Variants in PCDHA3 observed in about 807,000 individuals in gnomAD.
The protein encoded by PCDHA3 is protocadherin alpha-3.
Under a neutral mutation model 62.2 loss-of-function variants are expected in PCDHA3, and 41 were observed. The ratio of observed to expected loss-of-function variants is 0.66; its 90% CI spans 0.51 to 0.86. PCDHA3 has a LOEUF of 0.86. PCDHA3 is among the 40% of genes least tolerant of loss of function. The pLI, the probability that PCDHA3 is intolerant of heterozygous loss-of-function variation, is 0.00. For missense variants in PCDHA3, 1,304 were observed against 1,241.2 expected (o/e 1.05, Z -0.76); for synonymous variants, 640 against 555.4 (o/e 1.15, Z -2.14).
At chr5:140,823,973 G>A in intron 1 of PCDHA3, 1 of 1,614,090 alleles carries the variant, frequency 6.2e-7, no homozygotes, top group South Asian at 1.1e-5. Context: ...GTGTGCACAC[G>A]GGGCAAGCCC....
intron 1 of PCDHA3, chr5:140,853,202 C>T (rs1357815878): frequency 1.3e-5 from 13 of 982,324 alleles, no homozygotes; most frequent in Middle Eastern, 5.3e-4. Flanking sequence ...TTATTATTGA[C>T]GGCTGTATTG....
Position 140,801,777 on chromosome 5 carries a change from C to T in PCDHA3, c.580C>T (p.Leu194Phe), listed in dbSNP as rs372016432. Residue 194 changes from leucine to phenylalanine, a missense_variant, in exon 1 of 4, where the codon CTC (leucine) becomes TTC (phenylalanine). Coordinates refer to ENST00000522353, the MANE Select transcript of PCDHA3 (RefSeq NM_018906.3). ...TGATGAGGAAATTAAATCCCTTGGA[C>T]TCGTGTTGAAAAAAAATTTAAATCG... ...RNDEEIKSLGLVLKKNLNRED... is the reference protein window; with the variant it reads ...RNDEEIKSLGFVLKKNLNRED... 8.1e-6 allele frequency: 13 copies of T among 1,613,778 alleles called. No homozygotes were observed. The highest frequency in any genetic ancestry group is 1.3e-5 in the African/African-American group (1 of 74,854).
intron 1 of PCDHA3, among the ~76,000 whole-genome samples, chr5:140,806,354 C>T (rs534897912): frequency 1.3e-5 from 2 of 152,294 alleles, no homozygotes; most frequent in South Asian, 4.1e-4. Context: ...TACTTATAAA[C>T]TGTAAGAGTC....
intron 3 of PCDHA3, among the ~76,000 whole-genome samples, chr5:140,997,400 G>A (rs1554255862): frequency 3.3e-5 from 5 of 152,056 alleles, no homozygotes; most frequent in Admixed American, 1.3e-4. Context: ...AGGCTCTATC[G>A]TATGGCCTAT....
intron 1 of PCDHA3, chr5:140,866,250 C>G (rs2049240306): frequency 6.6e-6 from 1 of 152,128 alleles, no homozygotes; most frequent in South Asian, 2.1e-4. Flanking sequence ...AAATGACACC[C>G]TTCTTTCTTT....
In PCDHA3 at chr5:140,801,664, G is replaced by A; in HGVS notation, c.467G>A (p.Gly156Asp). ...CCTGGCTCTCGGTTTTCGCTAGAGG[G>A]CGCATCAGATGCAGATATCGGAACA... The part of the protein sequence containing the change: ...RQPGSRFSLE[G>D]ASDADIGTNS... Residue 156 changes from glycine to aspartate, a missense_variant, in exon 1 of 4, where the codon GGC becomes GAC. By Grantham distance (94) the Gly-to-Asp change is moderately conservative. Transcript: ENST00000522353. The A allele has an allele frequency of 6.2e-7, 1 of 1,614,186 alleles. No homozygotes were observed. Among genetic ancestry groups the A allele is most frequent in the Non-Finnish European group, 8.5e-7 (1 of 1,180,030 alleles).
At chr5:140,926,829 G>A in intron 1 of PCDHA3, 1 of 1,501,192 alleles carries the variant, frequency 6.7e-7, no homozygotes, top group Middle Eastern at 2.1e-4. Context: ...CCAGGAGTCC[G>A]GAGCATGGTC....
At chr5:140,856,225 G>A (rs1554148421) in intron 1 of PCDHA3, 1 of 1,598,066 alleles carries the variant, frequency 6.3e-7, no homozygotes, top group Non-Finnish European at 8.6e-7. Context: ...CGGAGCTGGT[G>A]CAGCGCCTGT....
intron 1 of PCDHA3, among the ~76,000 whole-genome samples, chr5:140,944,781 G>T (rs1404959208): frequency 6.6e-6 from 1 of 152,114 alleles, no homozygotes; most frequent in Non-Finnish European, 1.5e-5. Context: ...TCCTGTTATT[G>T]TATTTTACAA....
rs549585024 is a variant in PCDHA3 at position 140,809,126 on chromosome 5, C to T, written c.2394+5535C>T. The T allele has an allele frequency of 3.1e-6, 5 of 1,614,062 alleles. No homozygotes were observed. In the African/African-American group the frequency reaches 6.7e-5, roughly 22 times the overall value. On this transcript the variant is annotated intron_variant, in intron 1 of 3. Transcript: ENST00000522353. Reference sequence around the variant, plus strand: ...CGAAACGGACGCTCCGCGCCACCGCCTACTGGTACTGGTGAAGGACCACGG... The same window carrying T: ...CGAAACGGACGCTCCGCGCCACCGCTTACTGGTACTGGTGAAGGACCACGG...
At chr5:140,949,234 A>C (rs2094354068) in intron 1 of PCDHA3, among the ~76,000 whole-genome samples, 1 of 151,820 alleles carries the variant, frequency 6.6e-6, no homozygotes, top group South Asian at 2.1e-4. Flanking sequence ...TCTGTGGCCC[A>C]GCAACAGTCT....
chr5:140,928,602 G>A (rs927910920), intron 1 of PCDHA3: 26 of 1,614,058 alleles, frequency 1.6e-5, no homozygotes, highest in Non-Finnish European at 2.2e-5. Context: ...TGGAAATTGT[G>A]CCCCGCTCTG....
At chr5:140,857,655 C>T (rs782490979) in intron 1 of PCDHA3, 1 of 1,596,728 alleles carries the variant, frequency 6.3e-7, no homozygotes, top group Non-Finnish European at 8.6e-7. Context: ...CAGGTGAGCG[C>T]GCGCGATGGG....
At chr5:140,822,270 A>T in intron 1 of PCDHA3, 1 of 1,614,256 alleles carries the variant, frequency 6.2e-7, no homozygotes, top group Non-Finnish European at 8.5e-7. Context: ...GAGCAAATGC[A>T]CAATTGAGAT....
In PCDHA3 at chr5:140,802,011, G is replaced by C. The variant is rs952664867; in HGVS notation, c.814G>C (p.Gly272Arg). The C allele has an allele frequency of 1.9e-6, 3 of 1,614,198 alleles. No homozygotes were observed. The highest frequency in any genetic ancestry group is 2.5e-6 in the Non-Finnish European group (3 of 1,180,042). Residue 272 changes from glycine to arginine, a missense_variant, in exon 1 of 4, where the codon GGA becomes CGA. By Grantham distance (125) the Gly-to-Arg change is moderately radical. Coordinates refer to ENST00000522353, the MANE Select transcript of PCDHA3 (RefSeq NM_018906.3). ...CGTTAACGCCACCGATTTGGATGAA[G>C]GAGTAAATAAGGATATCGCGTATTC... ...VTVNATDLDE[G>R]VNKDIAYSFN...
At chr5:140,852,245 A>G (rs2042277804) in intron 1 of PCDHA3, 6 of 557,120 alleles carry the variant, frequency 1.1e-5, no homozygotes, top group Non-Finnish European at 1.4e-5. Flanking sequence ...CTTAAAACAC[A>G]CTTTTGGAAT....
intron 1 of PCDHA3, chr5:140,808,693 C>G: frequency 6.2e-7 from 1 of 1,612,144 alleles, no homozygotes. Flanking sequence ...TAGGGGAGCG[C>G]GCGCTGTCGA....
At chr5:140,830,063 G>A (rs1554132505) in intron 1 of PCDHA3, 1 of 1,613,704 alleles carries the variant, frequency 6.2e-7, no homozygotes, top group Non-Finnish European at 8.5e-7. Context: ...CGGTGAGCCG[G>A]CGCTGACAGC....
intron 1 of PCDHA3, among the ~76,000 whole-genome samples, chr5:140,941,216 T>TTTCTTTCTTTCTTTCTTTC (rs2092891567): frequency 8.0e-6 from 1 of 124,950 alleles, no homozygotes; most frequent in East Asian, 2.2e-4. Context: ...TCTTTCTTCC[T>TTTCTTTCTTTCTTTCTTTC]TTCTTTCTTT....
Sources: allele counts gnomAD v4.1 joint callset (sites outside exome capture counted in the v4.1 genomes callset), GRCh38; gene constraint gnomAD v4.1.1; transcripts MANE v1.5; gene names NCBI Gene and HGNC (gene_info 2026-07-23, HGNC 2026-07-21).